The following FANCA variants were observed in gnomAD, a reference collection of about 807,000 sequenced individuals.
FANCA encodes the protein FA complementation group A.
A neutral mutation model predicts 194.3 loss-of-function variants in FANCA; 236 were observed. That is an observed-to-expected ratio of 1.21 (90% confidence interval 1.09 to 1.35). The LOEUF is 1.35. Ranked by LOEUF, FANCA falls within the 40% of genes most tolerant of loss-of-function variation. FANCA has a pLI of 0.00. For missense variants in FANCA, 2,628 were observed against 1,813.9 expected (o/e 1.45, Z -8.15); for synonymous variants, 1,014 against 715.8 (o/e 1.42, Z -6.65).
chr16:89,760,064 A>G (rs896956796), intron 29 of FANCA, among the ~76,000 whole-genome samples: 1 of 152,270 alleles, frequency 6.6e-6, no homozygotes, highest in Non-Finnish European at 1.5e-5. Flanking sequence ...CACAGAATGT[A>G]TCTAAGTATC....
intron 10 of FANCA, among the ~76,000 whole-genome samples, chr16:89,796,345 T>TGGAGCCCCGGGAGC (rs1194743780): frequency 6.6e-6 from 1 of 151,560 alleles, no homozygotes; most frequent in East Asian, 1.9e-4. Context: ...CACCCGGGAG[T>TGGAGCCCCGGGAGC]GGAGCCCCGG....
intron 20 of FANCA, 103 bp from the exon 21 acceptor site, chr16:89,775,918 A>C: frequency 1.5e-6 from 1 of 668,946 alleles, no homozygotes; most frequent in Non-Finnish European, 2.5e-6. Flanking sequence ...TTAAATTTAA[A>C]TAAATTATAA....
chr16:89,808,399 A>T, intron 5 of FANCA, 32 bp from the exon 6 acceptor site: 1 of 1,607,052 alleles, frequency 6.2e-7, no homozygotes, highest in South Asian at 1.1e-5. Flanking sequence ...ACAAAAACAA[A>T]AACAAAAAAA....
chr16:89,741,470 C>T (rs1282058126), intron 37 of FANCA, among the ~76,000 whole-genome samples: 6 of 152,206 alleles, frequency 3.9e-5, no homozygotes, highest in South Asian at 2.1e-4. Context: ...CTATGCGTTG[C>T]GGATCTCGGG....
At chr16:89,765,365 C>G (rs572924217) in intron 27 of FANCA, among the ~76,000 whole-genome samples, 23 of 151,666 alleles carry the variant, frequency 1.5e-4, no homozygotes, top group Non-Finnish European at 5.9e-5. Flanking sequence ...CCTGGGAGGG[C>G]ACAACACACA....
intron 17 of FANCA, among the ~76,000 whole-genome samples, chr16:89,781,481 G>A (rs533856730): frequency 2.0e-5 from 3 of 150,502 alleles, no homozygotes; most frequent in Admixed American, 2.0e-4. Flanking sequence ...AGACCATCCT[G>A]GATAACATGG....
At position 89,753,864 on chromosome 16, in the gene FANCA, G is replaced by A. The variant is rs2038681572; in HGVS notation, c.2982-1642C>T. 2.6e-5 allele frequency among the ~76,000 whole-genome samples: 4 copies of A among 152,144 alleles called. No homozygotes were observed. The South Asian group carries it at 8.3e-4, about 32-fold the overall frequency. ...GAGGTCAGGAGATCGAGACCATCCT[G>A]GCCAATGTGGCGAAACCCTATCTCT... On this transcript the variant is annotated intron_variant, in intron 30 of 42. Coordinates refer to ENST00000389301, the MANE Select transcript of FANCA (RefSeq NM_000135.4).
Position 89,778,627 on chromosome 16 carries a change from T to TAAAA in FANCA, c.1826+170_1826+173dup, listed in dbSNP as rs397693835. On this transcript the variant is annotated intron_variant, in intron 20 of 42. Transcript: ENST00000389301. The stretch of plus-strand genomic sequence containing the variant: ...CTGGGTGACAGAGTGAGACTCCAAC[T>TAAAA]AAAAAAAAAAAAAAAAAAAAAAAAA... 6.7e-3 allele frequency among the ~76,000 whole-genome samples: 201 copies of TAAAA among 29,934 alleles called. 28 individuals are homozygous for TAAAA. Among genetic ancestry groups the TAAAA allele is most frequent in the African/African-American group, 8.8e-3 (64 of 7,314 alleles). The allele number at this position is 29,934 out of a possible 152,430, so 19.6% of individuals were successfully genotyped here. A position where few individuals can be genotyped will look rare whatever the true frequency, so the allele number is the denominator to read the frequency against.
chr16:89,738,832 G>A (rs1277341579), intron 42 of FANCA, 50 bp downstream of exon 42: 14 of 1,614,026 alleles, frequency 8.7e-6, no homozygotes, highest in South Asian at 1.1e-5. Context: ...CCAGGCAGCT[G>A]TCAATTCTCA....
intron 8 of FANCA, among the ~76,000 whole-genome samples, chr16:89,801,979 G>T (rs1457082136): frequency 6.6e-6 from 1 of 151,994 alleles, no homozygotes; most frequent in East Asian, 1.9e-4. Context: ...AAGGAAATCA[G>T]CCAGCTGAAG....
intron 30 of FANCA, among the ~76,000 whole-genome samples, chr16:89,757,435 G>C (rs1390900058): frequency 1.3e-5 from 2 of 152,180 alleles, no homozygotes; most frequent in African/African-American, 4.8e-5. Context: ...GCTGATATGT[G>C]CTACAACACA....
chr16:89,757,499 C>T (rs1307704360), intron 30 of FANCA, among the ~76,000 whole-genome samples: 3 of 152,178 alleles, frequency 2.0e-5, no homozygotes, highest in Non-Finnish European at 4.4e-5. Flanking sequence ...CAAAGGGCCA[C>T]ATACTACATG....
At chr16:89,761,906 T>C in intron 29 of FANCA, 43 bp downstream of exon 29, 1 of 1,494,572 alleles carries the variant, frequency 6.7e-7, no homozygotes, top group Non-Finnish European at 9.3e-7. Flanking sequence ...ATTATAGGTG[T>C]GAGCCATCAT....
rs1200086753 is a variant in FANCA, at chr16:89,810,687, AT to A, written c.522+19del. On this transcript the variant is annotated intron_variant, in intron 5 of 42. Coordinates refer to ENST00000389301, the MANE Select transcript of FANCA (RefSeq NM_000135.4). ...ATTGCCTGGAACACTGGAGAGTCAG[AT>A]TTGCAATCTCAAATTTACCTGTATT... The A allele has an allele frequency of 3.4e-6, 5 of 1,487,062 alleles. No homozygotes were observed. Among genetic ancestry groups the A allele is most frequent in the Non-Finnish European group, 4.7e-6 (5 of 1,064,966 alleles). 92.1% of individuals were successfully genotyped at this position (1,487,062 alleles called of 1,614,324 possible). A position where few individuals can be genotyped will look rare whatever the true frequency, so the allele number is the denominator to read the frequency against.
intron 20 of FANCA, among the ~76,000 whole-genome samples, chr16:89,776,481 G>A (rs1274874903): frequency 6.6e-6 from 1 of 151,274 alleles, no homozygotes; most frequent in Admixed American, 6.6e-5. Flanking sequence ...ATGAATCTTT[G>A]TTAATTTTAA....
chr16:89,805,682 C>T (rs2040615159), intron 6 of FANCA, among the ~76,000 whole-genome samples: 1 of 152,018 alleles, frequency 6.6e-6, no homozygotes, highest in Admixed American at 6.5e-5. Context: ...AACAATCTCC[C>T]ACCTTGCCCT....
chr16:89,775,786 G>T lies in FANCA; in HGVS notation c.1856C>A (p.Ser619Tyr), dbSNP rs2039480405. Residue 619 changes from serine (S) to tyrosine (Y), a missense_variant, in exon 21 of 43, where the codon TCC becomes TAC. Physicochemically the swap from Ser to Tyr is moderately radical, Grantham distance 144. Transcript: ENST00000389301. ...RADKIPPSLY[S>Y]TYCQACSAAE... is the part of the protein sequence containing the mutation. ...AGCAGAGCAGGCCTGGCAGTAGGTG[G>T]AGTACAGAGATGGGGGGATTTTATC... is the stretch of plus-strand genomic sequence containing the variant. 6.2e-7 allele frequency: 1 copy of T among 1,612,826 alleles called. No homozygotes were observed. Among genetic ancestry groups the T allele is most frequent in the East Asian group, 2.2e-5 (1 of 44,868 alleles).
chr16:89,754,579 C>A (rs1040024668), intron 30 of FANCA, among the ~76,000 whole-genome samples: 2 of 152,092 alleles, frequency 1.3e-5, no homozygotes, highest in Non-Finnish European at 2.9e-5. Flanking sequence ...CCATGTTGGC[C>A]AGGCTGGTCT....
intron 2 of FANCA, among the ~76,000 whole-genome samples, chr16:89,814,833 C>T (rs2041038476): frequency 6.6e-6 from 1 of 151,840 alleles, no homozygotes; most frequent in African/African-American, 2.4e-5. Flanking sequence ...CCCAGCCACT[C>T]GGGAGGCTGA....
Sources: allele counts gnomAD v4.1 joint callset (sites outside exome capture counted in the v4.1 genomes callset), GRCh38; gene constraint gnomAD v4.1.1; transcripts MANE v1.5; gene names NCBI Gene and HGNC (gene_info 2026-07-23, HGNC 2026-07-21).